The following HS3ST3A1 variants were observed in gnomAD, a reference collection of about 807,000 sequenced individuals.
The protein encoded by HS3ST3A1 is heparan sulfate-glucosamine 3-sulfotransferase 3A1.
Under a neutral mutation model 25.7 loss-of-function variants are expected in HS3ST3A1, and 19 were observed. The ratio of observed to expected loss-of-function variants is 0.74; its 90% confidence interval spans 0.52 to 1.08. HS3ST3A1 has a LOEUF of 1.08. Ranked by LOEUF, HS3ST3A1 falls within the 50% of genes least tolerant of loss-of-function variation. The pLI, the probability that HS3ST3A1 is intolerant of heterozygous loss-of-function variation, is 0.00. For missense variants in HS3ST3A1, 459 were observed against 594.3 expected, an observed-to-expected ratio of 0.77 and a Z score of 2.37; for synonymous variants, 226 against 278.6, an observed-to-expected ratio of 0.81 and a Z score of 1.88.
At chr17:13,541,851 T>A (rs1316196485) in intron 1 of HS3ST3A1, among the ~76,000 whole-genome samples, 1 of 152,156 alleles carries the variant, frequency 6.6e-6, no homozygotes, top group Non-Finnish European at 1.5e-5. Context: ...CTTTCAACTG[T>A]GAACAATCTT....
In HS3ST3A1 at chr17:13,496,133, T is replaced by C; in HGVS notation, c.*64A>G. 7.0e-7 allele frequency: 1 copy of C among 1,428,806 alleles called. No individual in the cohort carries two copies. Among genetic ancestry groups the C allele is most frequent in the Non-Finnish European group, 9.2e-7 (1 of 1,082,586 alleles). The allele number at this position is 1,428,806 out of a possible 1,614,324, so 88.5% of individuals were successfully genotyped here. On this transcript the variant is annotated 3_prime_UTR_variant, in exon 2 of 2. Coordinates refer to ENST00000284110, the MANE Select transcript of HS3ST3A1 (RefSeq NM_006042.3). ...TCAGCACAAATATTAAACTGTCTCT[T>C]CTCTACCGATTGGTAAAAAAATATA...
At chr17:13,586,836 C>T (rs1276603916) in intron 1 of HS3ST3A1, among the ~76,000 whole-genome samples, 1 of 127,912 alleles carries the variant, frequency 7.8e-6, no homozygotes, top group Non-Finnish European at 1.6e-5. Context: ...AGCCACTGCA[C>T]TCCAGCCTGG....
chr17:13,512,305 C>CAAAAAAAAAA (rs67523378), intron 1 of HS3ST3A1, among the ~76,000 whole-genome samples: 16 of 82,096 alleles, frequency 1.9e-4, no homozygotes, highest in African/African-American at 4.8e-4. Context: ...GACTCCGTCT[C>CAAAAAAAAAA]AAAAAAAAAA....
intron 1 of HS3ST3A1, among the ~76,000 whole-genome samples, chr17:13,574,833 T>C (rs537407933): frequency 1.3e-5 from 2 of 152,180 alleles, no homozygotes; most frequent in East Asian, 1.9e-4. Flanking sequence ...TGTCAATAGA[T>C]GGTAATTGTA....
chr17:13,510,848 G>T (rs1855893277), intron 1 of HS3ST3A1, among the ~76,000 whole-genome samples: 1 of 152,078 alleles, frequency 6.6e-6, no homozygotes, highest in African/African-American at 2.4e-5. Flanking sequence ...GGGATTACAG[G>T]CACCCACCAC....
At chr17:13,513,232 A>G (rs1360027239) in intron 1 of HS3ST3A1, among the ~76,000 whole-genome samples, 1 of 152,118 alleles carries the variant, frequency 6.6e-6, no homozygotes, top group African/African-American at 2.4e-5. Context: ...CTTCACGCGG[A>G]CTAGGTGGCT....
At position 13,600,958 on chromosome 17, in the gene HS3ST3A1, C is replaced by T; in HGVS notation, c.172G>A (p.Gly58Ser). The change falls in exon 1 of 2, where the codon GGC becomes AGC. Residue 58 changes from glycine (G) to serine (S), a missense_variant. Gly to Ser is a moderately conservative substitution (Grantham distance 56, BLOSUM62 0). This residue lies in a region of HS3ST3A1 where 346 missense variants were observed against 303.9 expected (regional missense o/e 1.14). Coordinates refer to ENST00000284110, the MANE Select transcript of HS3ST3A1 (RefSeq NM_006042.3). ...TLSGPVVGLS[G>S]GGEEAGAPGG... is the part of the protein sequence containing the mutation. ...GGGGCCCCCGCCTCCTCGCCGCCGC[C>T]GGACAGCCCCACGACGGGGCCGGAC... 1 of 1,542,280 alleles carries T rather than the reference C, an allele frequency of 6.5e-7. No individual in the cohort carries two copies. Among genetic ancestry groups the T allele is most frequent in the Non-Finnish European group, 8.7e-7 (1 of 1,144,444 alleles).
chr17:13,529,421 A>G lies in HS3ST3A1; in HGVS notation c.600-32603T>C, dbSNP rs1906533933. Among the ~76,000 whole-genome samples the G allele has an allele frequency of 2.0e-5, 3 of 152,180 alleles. No individual in the cohort carries two copies. The South Asian group carries it at 6.2e-4, about 31-fold the overall frequency. ...CTAACAAGGAAGACCATCCATCCTA[A>G]GGAAGTTATTTTATAAATCATAATT... is the stretch of plus-strand genomic sequence containing the variant. On this transcript the variant is annotated intron_variant, in intron 1 of 1. Transcript: ENST00000284110.
chr17:13,498,504 C>T (rs1304178351), intron 1 of HS3ST3A1, among the ~76,000 whole-genome samples: 4 of 152,212 alleles, frequency 2.6e-5, no homozygotes, highest in African/African-American at 9.6e-5. Flanking sequence ...CTCTAACTTT[C>T]CTTCTACTTT....
chr17:13,494,690 G>T lies in HS3ST3A1; in HGVS notation c.*1507C>A, dbSNP rs191487383. On this transcript the variant is annotated 3_prime_UTR_variant, in exon 2 of 2. Coordinates refer to ENST00000284110, the MANE Select transcript of HS3ST3A1 (RefSeq NM_006042.3). ...TAATTATAAATGTTTTATATATTTC[G>T]TGCATATGTGTTCCTCTCTAAACCA... Among the ~76,000 whole-genome samples, 6 of 152,078 alleles carry T rather than the reference G, an allele frequency of 3.9e-5. No homozygotes were observed. The East Asian group carries it at 1.2e-3, about 29-fold the overall frequency.
At chr17:13,542,582 T>C (rs2142346166) in intron 1 of HS3ST3A1, among the ~76,000 whole-genome samples, 1 of 151,904 alleles carries the variant, frequency 6.6e-6, no homozygotes, top group East Asian at 1.9e-4. Flanking sequence ...GTTGTTTAGG[T>C]CCCCCAGCCT....
intron 1 of HS3ST3A1, among the ~76,000 whole-genome samples, chr17:13,595,769 G>T (rs1908557737): frequency 1.3e-5 from 2 of 152,148 alleles, no homozygotes; most frequent in African/African-American, 4.8e-5. Context: ...GTTCCCGACT[G>T]GGCCCAGCAA....
At chr17:13,526,948 C>T (rs115138997) in intron 1 of HS3ST3A1, among the ~76,000 whole-genome samples, 2,270 of 152,252 alleles carry the variant, frequency 0.015, 50 homozygotes, top group African/African-American at 0.049. Flanking sequence ...CCACCGCACC[C>T]GGCCCACAGT....
In HS3ST3A1 at chr17:13,601,293, G is replaced by T; in HGVS notation, c.-164C>A. ...CCCGGGAGGCAGCGGCCGGGGCTCC[G>T]CGGGGAAACGGAATCCCGGGGGCCC... On this transcript the variant is annotated 5_prime_UTR_variant, in exon 1 of 2. Coordinates refer to ENST00000284110, the MANE Select transcript of HS3ST3A1 (RefSeq NM_006042.3). 1.9e-6 allele frequency: 1 copy of T among 537,890 alleles called. No homozygotes were observed. The highest frequency in any genetic ancestry group is 3.1e-6 in the Non-Finnish European group (1 of 320,732). 33.3% of individuals were successfully genotyped at this position (537,890 alleles called of 1,614,324 possible).
chr17:13,588,289 A>G (rs189830992), intron 1 of HS3ST3A1, among the ~76,000 whole-genome samples: 104 of 152,180 alleles, frequency 6.8e-4, no homozygotes, highest in African/African-American at 2.5e-3. Context: ...AAAATTGCTG[A>G]CACCTGGCCT....
intron 1 of HS3ST3A1, among the ~76,000 whole-genome samples, chr17:13,509,600 G>A (rs902059005): frequency 6.8e-6 from 1 of 147,856 alleles, no homozygotes; most frequent in Non-Finnish European, 1.5e-5. Context: ...GAGAGACAGA[G>A]AGAGATTGAT....
intron 1 of HS3ST3A1, among the ~76,000 whole-genome samples, chr17:13,564,787 G>C (rs1159352274): frequency 6.8e-6 from 1 of 147,970 alleles, no homozygotes; most frequent in African/African-American, 2.5e-5. Context: ...GCAGTGGTGC[G>C]ATCGCAGCTC....
intron 1 of HS3ST3A1, among the ~76,000 whole-genome samples, chr17:13,497,449 G>A (rs995271871): frequency 2.0e-5 from 3 of 152,070 alleles, no homozygotes; most frequent in African/African-American, 7.2e-5. Context: ...AGTTATTATC[G>A]TGTGATAGTA....
At chr17:13,563,189 A>G (rs1907592442) in intron 1 of HS3ST3A1, among the ~76,000 whole-genome samples, 1 of 151,928 alleles carries the variant, frequency 6.6e-6, no homozygotes, top group Non-Finnish European at 1.5e-5. Flanking sequence ...AGGGACAGTG[A>G]TGAGCCTCTG....
Sources: allele counts gnomAD v4.1 joint callset (sites outside exome capture counted in the v4.1 genomes callset), GRCh38; gene constraint gnomAD v4.1.1; regional missense constraint gnomAD v4.1.1; transcripts MANE v1.5; gene names NCBI Gene and HGNC (gene_info 2026-07-23, HGNC 2026-07-21).